CACNA2D1: variants seen among roughly 807,000 people sequenced by gnomAD.
CACNA2D1 encodes calcium voltage-gated channel auxiliary subunit alpha2delta 1.
A neutral mutation model predicts 171.5 loss-of-function variants in CACNA2D1; 53 were observed. The ratio of observed to expected loss-of-function variants is 0.31; its 90% confidence interval spans 0.25 to 0.39. The LOEUF (loss-of-function observed/expected upper bound fraction) is 0.39, where lower values mean the gene tolerates loss of function less well. Ranked by LOEUF, CACNA2D1 falls within the 10% of genes least tolerant of loss-of-function variation. The probability of loss-of-function intolerance (pLI) is 1.00; values close to 1 mark genes in which losing one functional copy is unlikely to be tolerated. For missense variants in CACNA2D1, 903 were observed against 1,299.8 expected (o/e 0.69, Z 4.69); for synonymous variants, 442 against 443.1 (o/e 1.00, Z 0.03).
At chr7:82,402,346 C>T (rs2129451952) in intron 1 of CACNA2D1, among the ~76,000 whole-genome samples, 2 of 152,188 alleles carry the variant, frequency 1.3e-5, no homozygotes, top group Admixed American at 1.3e-4. Flanking sequence ...AATCTGTGGG[C>T]TTATTAATAT....
intron 26 of CACNA2D1, 124 bp from the exon 27 acceptor site, chr7:81,970,861 A>G (rs1047502079): frequency 1.0e-5 from 7 of 698,578 alleles, no homozygotes; most frequent in South Asian, 4.5e-5. Flanking sequence ...TAGATACACA[A>G]CTATGTTTTA....
chr7:82,431,783 T>TAC (rs1829700329), intron 1 of CACNA2D1, among the ~76,000 whole-genome samples: 1 of 96,310 alleles, frequency 1.0e-5, no homozygotes, highest in African/African-American at 5.8e-5. Flanking sequence ...CTCACGCCTG[T>TAC]AACCCCAGCA....
At chr7:81,963,852 A>T (rs1794424341) in intron 34 of CACNA2D1, among the ~76,000 whole-genome samples, 1 of 152,056 alleles carries the variant, frequency 6.6e-6, no homozygotes, top group Non-Finnish European at 1.5e-5. Flanking sequence ...CATTGTTTTC[A>T]TATGAGAAAC....
intron 20 of CACNA2D1, among the ~76,000 whole-genome samples, chr7:81,991,990 A>AC (rs1163494651): frequency 2.1e-5 from 3 of 143,374 alleles, no homozygotes; most frequent in South Asian, 2.2e-4. Context: ...GCCTGCCACC[A>AC]CGCCTGGCTC....
At chr7:82,007,943 T>A (rs1799303046) in intron 15 of CACNA2D1, among the ~76,000 whole-genome samples, 187 bp from the exon 16 acceptor site, 1 of 152,128 alleles carries the variant, frequency 6.6e-6, no homozygotes, top group Non-Finnish European at 1.5e-5. Context: ...ATCTTGGAAA[T>A]AATTAGGACC....
At chr7:82,013,429 A>G in intron 14 of CACNA2D1, 32 bp downstream of exon 14, 1 of 974,954 alleles carries the variant, frequency 1.0e-6, no homozygotes, top group African/African-American at 1.7e-5. Context: ...TACTTGAAAA[A>G]AATAATTTAA....
At chr7:82,140,846 T>C (rs1255347769) in intron 4 of CACNA2D1, among the ~76,000 whole-genome samples, 1 of 150,116 alleles carries the variant, frequency 6.7e-6, no homozygotes, top group Non-Finnish European at 1.5e-5. Context: ...TCCCAGCTGT[T>C]CGGGAGGCTG....
chr7:82,153,456 G>A (rs1343733035), intron 4 of CACNA2D1, among the ~76,000 whole-genome samples: 3 of 151,948 alleles, frequency 2.0e-5, no homozygotes, highest in Non-Finnish European at 4.4e-5. Flanking sequence ...TTTCCATTAA[G>A]TAGAAGACAA....
At chr7:82,040,918 T>C (rs950324302) in intron 10 of CACNA2D1, among the ~76,000 whole-genome samples, 2 of 152,000 alleles carry the variant, frequency 1.3e-5, no homozygotes, top group Non-Finnish European at 2.9e-5. Flanking sequence ...GAGGTTGCAG[T>C]GAGCCAAGAT....
chr7:82,419,018 G>A (rs1446158777), intron 1 of CACNA2D1, among the ~76,000 whole-genome samples: 1 of 151,826 alleles, frequency 6.6e-6, no homozygotes, highest in Non-Finnish European at 1.5e-5. Context: ...GCTGAGGCAG[G>A]AGAATGGCGT....
intron 1 of CACNA2D1, among the ~76,000 whole-genome samples, chr7:82,372,982 C>T (rs550723115): frequency 9.2e-5 from 14 of 152,228 alleles, no homozygotes; most frequent in South Asian, 2.1e-4. Flanking sequence ...GTCAGGAGTT[C>T]GAGACCAGCC....
intron 10 of CACNA2D1, chr7:82,051,064 G>T (rs1805142011): frequency 1.2e-5 from 2 of 166,378 alleles, no homozygotes; most frequent in Admixed American, 5.8e-5. Flanking sequence ...CCATCGCGTT[G>T]CTCTTTACTT....
intron 7 of CACNA2D1, among the ~76,000 whole-genome samples, chr7:82,080,153 ATATATG>A (rs200933744): frequency 2.1e-3 from 16 of 7,708 alleles, no homozygotes; most frequent in Non-Finnish European, 1.1e-3. Flanking sequence ...CTATATACCT[ATATATG>A]TATATAGGTG....
chr7:82,131,778 G>A (rs553665496), intron 5 of CACNA2D1, among the ~76,000 whole-genome samples: 1 of 152,152 alleles, frequency 6.6e-6, no homozygotes, highest in African/African-American at 2.4e-5. Context: ...ATGTATAAAA[G>A]TGAGAGCAAA....
chr7:82,433,195 A>C (rs940291818), intron 1 of CACNA2D1, among the ~76,000 whole-genome samples: 1 of 152,128 alleles, frequency 6.6e-6, no homozygotes, highest in Non-Finnish European at 1.5e-5. Flanking sequence ...CTCAAAAAAA[A>C]AAAAAAATTC....
intron 1 of CACNA2D1, among the ~76,000 whole-genome samples, chr7:82,368,996 T>C (rs1822052415): frequency 6.6e-6 from 1 of 152,144 alleles, no homozygotes; most frequent in Non-Finnish European, 1.5e-5. Context: ...TTTTTCCAAT[T>C]TACAGACACT....
chr7:82,039,519 A>G (rs1207202841), intron 10 of CACNA2D1, among the ~76,000 whole-genome samples: 1 of 152,196 alleles, frequency 6.6e-6, no homozygotes, highest in East Asian at 1.9e-4. Context: ...TCTGCAAGAT[A>G]AACATTATCA....
At chr7:82,163,500 A>G (rs1795145486) in intron 4 of CACNA2D1, among the ~76,000 whole-genome samples, 1 of 152,040 alleles carries the variant, frequency 6.6e-6, no homozygotes, top group Non-Finnish European at 1.5e-5. Context: ...CATTGAGAAG[A>G]TGAGGGTAAA....
chr7:82,375,761 A>G (rs1822952599), intron 1 of CACNA2D1, among the ~76,000 whole-genome samples: 1 of 152,162 alleles, frequency 6.6e-6, no homozygotes, highest in Non-Finnish European at 1.5e-5. Flanking sequence ...AATATATTCA[A>G]TGCCCCCCAA....
Sources: allele counts gnomAD v4.1 joint callset (sites outside exome capture counted in the v4.1 genomes callset), GRCh38; gene constraint gnomAD v4.1.1; transcripts MANE v1.5; gene names NCBI Gene and HGNC (gene_info 2026-07-23, HGNC 2026-07-21).